Variants in HRH1 observed in about 807,000 individuals in gnomAD.
The protein encoded by HRH1 is histamine H1 receptor.
A neutral mutation model predicts 10.3 loss-of-function variants in HRH1; 6 were observed. The observed-to-expected ratio is 0.58, with a 90% confidence interval of 0.32 to 1.15. HRH1 has a LOEUF of 1.15. Among genes scored for constraint, HRH1 ranks in the 50% most tolerant of loss-of-function variants. HRH1 has a pLI of 0.05. For synonymous variants in HRH1, 242 were observed against 236.7 expected (o/e 1.02, Z -0.21); for missense variants, 514 against 615.3 (o/e 0.84, Z 1.74).
chr3:11,237,568 C>A (rs942076462), intron 1 of HRH1, among the ~76,000 whole-genome samples: 2 of 150,658 alleles, frequency 1.3e-5, no homozygotes, highest in African/African-American at 4.9e-5. Context: ...GCACGGTAAA[C>A]GATTAAGGAT....
intron 1 of HRH1, among the ~76,000 whole-genome samples, chr3:11,240,436 T>G (rs1450119310): frequency 2.0e-5 from 3 of 152,052 alleles, no homozygotes; most frequent in African/African-American, 7.2e-5. Flanking sequence ...AGCTGCCCTC[T>G]TCAAGCAGAG....
chr3:11,220,902 GTT>G (rs1243129556), intron 1 of HRH1, among the ~76,000 whole-genome samples: 3 of 152,178 alleles, frequency 2.0e-5, no homozygotes, highest in African/African-American at 7.2e-5. Context: ...GAGACAGTCA[GTT>G]TTATTCAGAA....
At chr3:11,180,945 GCATACA>G (rs1937339588) in intron 1 of HRH1, among the ~76,000 whole-genome samples, 2 of 64,630 alleles carry the variant, frequency 3.1e-5, no homozygotes, top group Non-Finnish European at 3.0e-5. Context: ...CTTCTCTCAG[GCATACA>G]CACACACACA....
At chr3:11,169,660 G>A (rs1424716118) in intron 1 of HRH1, among the ~76,000 whole-genome samples, 1 of 152,094 alleles carries the variant, frequency 6.6e-6, no homozygotes, top group Non-Finnish European at 1.5e-5. Flanking sequence ...CTCGTCCGTT[G>A]ACCCTTCTCT....
intron 1 of HRH1, among the ~76,000 whole-genome samples, chr3:11,148,180 C>CAAAAAAAAAA (rs58792725): frequency 2.3e-5 from 2 of 85,964 alleles, no homozygotes; most frequent in East Asian, 3.0e-4. Context: ...CTCTGTCAAA[C>CAAAAAAAAAA]AAAAAAAAAA....
intron 1 of HRH1, among the ~76,000 whole-genome samples, chr3:11,246,176 G>C (rs1318743495): frequency 6.6e-6 from 1 of 152,118 alleles, no homozygotes; most frequent in African/African-American, 2.4e-5. Context: ...AGCGGAGCAA[G>C]GGTGAGGACT....
intron 1 of HRH1, chr3:11,234,484 T>C: frequency 6.6e-7 from 1 of 1,525,934 alleles, no homozygotes; most frequent in Non-Finnish European, 9.1e-7. Context: ...ACTTGAACTG[T>C]TCCCCACAGG....
chr3:11,200,430 T>C (rs6790193), intron 1 of HRH1, among the ~76,000 whole-genome samples: 6,516 of 152,290 alleles, frequency 0.043, 407 homozygotes, highest in African/African-American at 0.13. Flanking sequence ...AGCAGGGACA[T>C]GGGCTCAGCT....
chr3:11,227,571 C>T (rs1938928945), intron 1 of HRH1, among the ~76,000 whole-genome samples: 1 of 152,114 alleles, frequency 6.6e-6, no homozygotes, highest in Admixed American at 6.5e-5. Context: ...CAGACGTGAG[C>T]CACCACGCCC....
At chr3:11,153,275 G>A (rs111967730), upstream of HRH1, among the ~76,000 whole-genome samples, 199 of 152,314 alleles carry the variant, frequency 1.3e-3, 1 homozygote, top group African/African-American at 4.3e-3. Context: ...AGGATTAAAT[G>A]AGTAAGCATC....
chr3:11,194,124 G>A (rs1409894539), intron 1 of HRH1, among the ~76,000 whole-genome samples: 2 of 152,200 alleles, frequency 1.3e-5, no homozygotes, highest in Non-Finnish European at 2.9e-5. Context: ...AATGGGCTGT[G>A]CCCCAGACCT....
At chr3:11,249,820 G>A (rs560886441) in intron 1 of HRH1, among the ~76,000 whole-genome samples, 2 of 152,146 alleles carry the variant, frequency 1.3e-5, no homozygotes, top group African/African-American at 2.4e-5. Context: ...AATTGATCCC[G>A]GTTAACAGAT....
chr3:11,239,783 G>A (rs1163556084), intron 1 of HRH1, among the ~76,000 whole-genome samples: 3 of 152,028 alleles, frequency 2.0e-5, no homozygotes, highest in Admixed American at 6.6e-5. Flanking sequence ...TCCCAGAGGT[G>A]AGCAACACTC....
At chr3:11,180,672 T>C (rs188084985) in intron 1 of HRH1, among the ~76,000 whole-genome samples, 1 of 152,276 alleles carries the variant, frequency 6.6e-6, no homozygotes, top group African/African-American at 2.4e-5. Context: ...GATTTGCCTG[T>C]TGTGGACATT....
intron 1 of HRH1, among the ~76,000 whole-genome samples, chr3:11,184,917 CAAAAAAA>C (rs11360744): frequency 1.4e-4 from 16 of 117,286 alleles, no homozygotes; most frequent in South Asian, 8.7e-4. Flanking sequence ...GACTCCATTT[CAAAAAAA>C]AAAAAAAAAA....
chr3:11,153,875 G>A (rs1936710188), upstream of HRH1, among the ~76,000 whole-genome samples: 1 of 152,156 alleles, frequency 6.6e-6, no homozygotes, highest in Non-Finnish European at 1.5e-5. Flanking sequence ...CAGAAGAGAG[G>A]TGTGAGGTTG....
At chr3:11,140,279 C>G (rs1325758651) in intron 1 of HRH1, among the ~76,000 whole-genome samples, 4 of 152,182 alleles carry the variant, frequency 2.6e-5, no homozygotes, top group Non-Finnish European at 5.9e-5. Flanking sequence ...CGCCCCTCCC[C>G]CAAGGAGAAC....
At chr3:11,172,535 G>A (rs905917622) in intron 1 of HRH1, among the ~76,000 whole-genome samples, 1 of 152,110 alleles carries the variant, frequency 6.6e-6, no homozygotes, top group African/African-American at 2.4e-5. Flanking sequence ...ATTTAGATCT[G>A]AACAATTTAG....
intron 1 of HRH1, among the ~76,000 whole-genome samples, chr3:11,174,177 A>G (rs1455213974): frequency 1.3e-5 from 2 of 152,250 alleles, no homozygotes; most frequent in Admixed American, 6.5e-5. Context: ...ATTGAACTGT[A>G]GTTGTCTGTT....
Sources: gnomAD v4.1 joint callset for allele counts (sites outside exome capture counted in the v4.1 genomes callset) on GRCh38, gnomAD v4.1.1 for gene constraint, MANE v1.5 for transcripts, NCBI Gene and HGNC (gene_info 2026-07-23, HGNC 2026-07-21) for gene names.